The following DACH2 variants were observed in gnomAD, a reference collection of about 807,000 sequenced individuals.
DACH2 encodes dachshund family transcription factor 2, also known as dachshund homolog 2.
In DACH2, 17 loss-of-function variants were observed where a neutral mutation model predicts 35.8. The observed-to-expected ratio is 0.48, with a 90% CI of 0.33 to 0.71. DACH2 has a LOEUF of 0.71. Ranked by LOEUF, DACH2 falls within the 30% of genes least tolerant of loss-of-function variation. The pLI, the probability that DACH2 is intolerant of heterozygous loss-of-function variation, is 0.02. For synonymous variants in DACH2, 195 were observed against 177.3 expected, an observed-to-expected ratio of 1.10 and a Z score of -0.79; for missense variants, 469 against 472.7, an observed-to-expected ratio of 0.99 and a Z score of 0.07.
At chrX:86,418,844 G>T (rs960208211) in intron 2 of DACH2, among the ~76,000 whole-genome samples, 1 of 111,646 alleles carries the variant, frequency 9.0e-6, no homozygotes, top group African/African-American at 3.3e-5. Context: ...AAACTTCTGT[G>T]CTCTGCTTCC....
intron 2 of DACH2, among the ~76,000 whole-genome samples, chrX:86,426,225 T>C (rs1175128081): frequency 1.8e-5 from 2 of 111,249 alleles, no homozygotes; most frequent in African/African-American, 6.5e-5. Flanking sequence ...AATTTCCTTC[T>C]GTTGATGGGG....
intron 3 of DACH2, among the ~76,000 whole-genome samples, chrX:86,518,868 C>T (rs1330036743): frequency 8.9e-6 from 1 of 111,926 alleles, no homozygotes; most frequent in Non-Finnish European, 1.9e-5. Context: ...TCCTTTCTTC[C>T]TAGTGGGATG....
intron 2 of DACH2, among the ~76,000 whole-genome samples, chrX:86,439,677 C>CT (rs1454384834): frequency 1.8e-5 from 2 of 110,870 alleles, no homozygotes; most frequent in African/African-American, 3.3e-5. Flanking sequence ...ATTTAATTTG[C>CT]TTTTTTCTTT....
At chrX:86,273,065 A>C (rs2033844504) in intron 1 of DACH2, among the ~76,000 whole-genome samples, 1 of 111,594 alleles carries the variant, frequency 9.0e-6, no homozygotes, top group Admixed American at 9.6e-5. Flanking sequence ...ACCCCATGCC[A>C]CTCAATAGAC....
At chrX:86,329,542 C>G (rs1433049460) in intron 1 of DACH2, among the ~76,000 whole-genome samples, 2 of 107,681 alleles carry the variant, frequency 1.9e-5, no homozygotes, top group African/African-American at 6.9e-5. Context: ...TGGTTCAGCT[C>G]TCAGCATCAA....
At chrX:86,318,113 A>G (rs183580663) in intron 1 of DACH2, among the ~76,000 whole-genome samples, 1 of 112,407 alleles carries the variant, frequency 8.9e-6, no homozygotes, top group East Asian at 2.8e-4. Flanking sequence ...CAGTTTCTGA[A>G]TTCTAGAGGA....
chrX:86,458,444 A>G (rs2037513248), intron 2 of DACH2, among the ~76,000 whole-genome samples: 1 of 111,476 alleles, frequency 9.0e-6, no homozygotes, highest in South Asian at 3.8e-4. Context: ...GGACTTAAGA[A>G]ATATAACAAA....
chrX:86,288,439 A>C lies in DACH2; in HGVS notation c.489-88385A>C, dbSNP rs1432178738. ...CTGGGGCTCTACAATCAGCAGTAGA[A>C]AAGCCTCCAGACCTGTGTCCTTCCC... On this transcript the variant is annotated intron_variant, in intron 1 of 11. Coordinates refer to ENST00000373125, the MANE Select transcript of DACH2 (RefSeq NM_053281.3). Among the ~76,000 whole-genome samples the C allele has an allele frequency of 5.4e-5, 6 of 112,107 alleles. No homozygotes were observed. The South Asian group carries it at 2.2e-3, about 41-fold the overall frequency.
chrX:86,662,456 G>A (rs961258673), intron 4 of DACH2, among the ~76,000 whole-genome samples: 1 of 110,914 alleles, frequency 9.0e-6, no homozygotes, highest in Non-Finnish European at 1.9e-5. Context: ...AAAATTAGCC[G>A]GGCGTGGTGG....
At chrX:86,562,459 G>A (rs2039236514) in intron 3 of DACH2, among the ~76,000 whole-genome samples, 3 of 110,945 alleles carry the variant, frequency 2.7e-5, no homozygotes, top group African/African-American at 6.5e-5. Context: ...GGAGTGAAGA[G>A]CTTTTCTCAT....
chrX:86,189,046 T>A (rs138822424), intron 1 of DACH2, among the ~76,000 whole-genome samples: 5,657 of 111,885 alleles, frequency 0.051, 357 homozygotes, highest in African/African-American at 0.17. Context: ...TCGAAGTGAC[T>A]CAGTATTTAT....
At chrX:86,760,244 T>C (rs1055382765) in intron 7 of DACH2, among the ~76,000 whole-genome samples, 2 of 111,434 alleles carry the variant, frequency 1.8e-5, no homozygotes, top group African/African-American at 6.5e-5. Flanking sequence ...GCAAGTCTCT[T>C]GCTACACTTG....
intron 3 of DACH2, among the ~76,000 whole-genome samples, chrX:86,631,119 T>C (rs1032183289): frequency 1.8e-5 from 2 of 112,058 alleles, no homozygotes; most frequent in South Asian, 3.7e-4. Context: ...AGCCAAAGAA[T>C]TGAACTAAAT....
chrX:86,816,857 A>G (rs1040232904), intron 11 of DACH2, among the ~76,000 whole-genome samples: 9 of 111,872 alleles, frequency 8.0e-5, no homozygotes, highest in African/African-American at 2.9e-4. Flanking sequence ...AAAATGCCTA[A>G]CTCTAATAAA....
intron 1 of DACH2, among the ~76,000 whole-genome samples, chrX:86,257,061 A>T (rs1282977886): frequency 8.9e-6 from 1 of 111,857 alleles, no homozygotes; most frequent in Non-Finnish European, 1.9e-5. Flanking sequence ...TTTTCACTTA[A>T]CATTGTATGA....
chrX:86,731,578 C>A (rs1327584841), intron 6 of DACH2, among the ~76,000 whole-genome samples: 1 of 111,757 alleles, frequency 8.9e-6, no homozygotes, highest in Non-Finnish European at 1.9e-5. Context: ...GTTTGTTTAC[C>A]AGTTTAATTT....
intron 1 of DACH2, among the ~76,000 whole-genome samples, chrX:86,235,898 C>T (rs2033046417): frequency 8.9e-6 from 1 of 111,733 alleles, no homozygotes; most frequent in South Asian, 3.7e-4. Flanking sequence ...CTTTGGGAGG[C>T]CAAGGTGGGT....
chrX:86,319,811 T>C (rs1379336640), intron 1 of DACH2, among the ~76,000 whole-genome samples: 1 of 112,179 alleles, frequency 8.9e-6, no homozygotes, highest in Non-Finnish European at 1.9e-5. Flanking sequence ...GGAAAATTAA[T>C]TAGAGCTCTT....
At chrX:86,340,478 C>T (rs186247133) in intron 1 of DACH2, among the ~76,000 whole-genome samples, 29 of 111,051 alleles carry the variant, frequency 2.6e-4, no homozygotes, top group African/African-American at 9.5e-4. Flanking sequence ...TTGGTCTTTC[C>T]TCTATCTCTC....
Sources: gnomAD v4.1 joint callset for allele counts (sites outside exome capture counted in the v4.1 genomes callset) on GRCh38, gnomAD v4.1.1 for gene constraint, MANE v1.5 for transcripts, NCBI Gene and HGNC (gene_info 2026-07-23, HGNC 2026-07-21) for gene names.